Variants in FOLH1 observed in about 807,000 individuals in gnomAD.
FOLH1 encodes folate hydrolase 1.
FOLH1 carries 54 observed loss-of-function variants against 93.9 expected under a neutral mutation model. That is an observed-to-expected ratio of 0.57 (90% CI 0.46 to 0.72). The LOEUF (loss-of-function observed/expected upper bound fraction) is 0.72, where lower values mean the gene tolerates loss of function less well. Among genes scored for constraint, FOLH1 ranks in the 30% least tolerant of loss-of-function variants. The pLI, the probability that FOLH1 is intolerant of heterozygous loss-of-function variation, is 0.00. For synonymous variants in FOLH1, 249 were observed against 303.6 expected (o/e 0.82, Z 1.87); for missense variants, 571 against 892.5 (o/e 0.64, Z 4.59).
At chr11:49,150,182 A>G in intron 17 of FOLH1, among the ~76,000 whole-genome samples, 1 of 152,218 alleles carries the variant, frequency 6.6e-6, no homozygotes, top group South Asian at 2.1e-4. Flanking sequence ...TAATTGAAAA[A>G]AATTCGTAAA....
intron 3 of FOLH1, among the ~76,000 whole-genome samples, chr11:49,194,795 T>C (rs1180589395): frequency 1.3e-5 from 2 of 151,940 alleles, no homozygotes; most frequent in African/African-American, 4.8e-5. Context: ...CAAAGTCAAA[T>C]AACATTATGA....
rs1486240276 is a variant in FOLH1, at chr11:49,153,682, C to T, written c.1970+164G>A. ...CTTGTATACCTATGTAACAAACCTG[C>T]ACGTTCTGTCCATGTATCCAGCAAC... On this transcript the variant is annotated intron_variant, in intron 17 of 18. Transcript: ENST00000256999. Among the ~76,000 whole-genome samples the T allele has an allele frequency of 2.0e-5, 3 of 152,066 alleles. No individual in the cohort carries two copies. In the East Asian group the frequency reaches 5.8e-4, roughly 29 times the overall value.
intron 13 of FOLH1, among the ~76,000 whole-genome samples, chr11:49,162,033 C>T (rs1857762418): frequency 6.6e-6 from 1 of 152,188 alleles, no homozygotes; most frequent in African/African-American, 2.4e-5. Flanking sequence ...GTAACCTGGC[C>T]TTTCCCTCTA....
chr11:49,148,997 T>C (rs1470123315), intron 17 of FOLH1, among the ~76,000 whole-genome samples: 1 of 152,080 alleles, frequency 6.6e-6, no homozygotes, highest in Non-Finnish European at 1.5e-5. Context: ...TTGTTACACA[T>C]GTATACATGT....
intron 12 of FOLH1, 87 bp downstream of exon 12, chr11:49,169,108 A>C (rs111982341): frequency 1.4e-6 from 2 of 1,451,816 alleles, no homozygotes; most frequent in Non-Finnish European, 1.9e-6. Context: ...ATTAATGCAT[A>C]GCCTTCCTTG....
At chr11:49,180,062 G>A (rs7123690) in intron 7 of FOLH1, among the ~76,000 whole-genome samples, 5,114 of 152,302 alleles carry the variant, frequency 0.034, 124 homozygotes, top group Non-Finnish European at 0.051. Context: ...AAATGCTTGC[G>A]TCATTGAGTA....
At chr11:49,192,397 A>G (rs1862163282) in intron 4 of FOLH1, among the ~76,000 whole-genome samples, 1 of 152,202 alleles carries the variant, frequency 6.6e-6, no homozygotes, top group Non-Finnish European at 1.5e-5. Context: ...AGAATAGGCA[A>G]AACTAATTTA....
intron 4 of FOLH1, among the ~76,000 whole-genome samples, chr11:49,188,154 A>G (rs900889064): frequency 2.0e-5 from 3 of 152,284 alleles, no homozygotes; most frequent in Admixed American, 2.0e-4. Flanking sequence ...GTATATCTTT[A>G]TAAGTCAAAT....
At chr11:49,196,874 T>C (rs113873146) in intron 3 of FOLH1, among the ~76,000 whole-genome samples, 115 of 152,292 alleles carry the variant, frequency 7.6e-4, no homozygotes, top group African/African-American at 2.5e-3. Context: ...TTATATTGTA[T>C]AGGTCTTGGT....
chr11:49,200,043 T>C (rs1863099563), intron 3 of FOLH1, among the ~76,000 whole-genome samples: 1 of 152,214 alleles, frequency 6.6e-6, no homozygotes, highest in East Asian at 1.9e-4. Flanking sequence ...TTATCAAGCA[T>C]TAATTTCTCG....
At chr11:49,170,757 T>C (rs1859162961) in intron 11 of FOLH1, among the ~76,000 whole-genome samples, 1 of 152,224 alleles carries the variant, frequency 6.6e-6, no homozygotes, top group South Asian at 2.1e-4. Context: ...CTTAATTCCC[T>C]TTGAATCAGA....
At chr11:49,173,575 CAG>C (rs1491103454) in intron 9 of FOLH1, 99 bp from the exon 10 acceptor site, 13,057 of 650,898 alleles carry the variant, frequency 0.02, 417 homozygotes, top group South Asian at 0.04. Context: ...ACTCACGCCT[CAG>C]AAAAAAAAAA....
intron 18 of FOLH1, 75 bp downstream of exon 18, chr11:49,148,564 T>C: frequency 8.8e-7 from 1 of 1,131,284 alleles, no homozygotes; most frequent in Non-Finnish European, 1.3e-6. Context: ...CAATATTTTT[T>C]CCACAGTGAA....
chr11:49,153,810 C>G (rs1202898126), intron 17 of FOLH1, 36 bp downstream of exon 17: 1 of 1,385,108 alleles, frequency 7.2e-7, no homozygotes, highest in Admixed American at 2.2e-5. Flanking sequence ...TATATACACA[C>G]ACATACACAC....
In FOLH1 at chr11:49,189,538, C is replaced by T. The variant is rs115293581; in HGVS notation, c.514-2769G>A. ...TCCTTCACTCACAATGGAATTAAGT[C>T]TTACTAAACTCACCTAAGTTGAAAA... On this transcript the variant is annotated intron_variant, in intron 4 of 18. Transcript: ENST00000256999. Among the ~76,000 whole-genome samples, 893 of 152,292 alleles carry T rather than the reference C, an allele frequency of 5.9e-3. 12 individuals carry two copies. Among genetic ancestry groups the T allele is most frequent in the African/African-American group, 0.021 (854 of 41,552 alleles).
intron 1 of FOLH1, chr11:49,206,871 T>C (rs1394313563): frequency 6.9e-6 from 9 of 1,295,708 alleles, no homozygotes; most frequent in Non-Finnish European, 1.1e-6. Context: ...AGTTGGCTTT[T>C]AACCTGAAGG....
At position 49,181,035 on chromosome 11, in the gene FOLH1, C is replaced by T. The variant is rs369588015; in HGVS notation, c.920+2114G>A. On this transcript the variant is annotated intron_variant, in intron 7 of 18. Coordinates refer to ENST00000256999, the MANE Select transcript of FOLH1 (RefSeq NM_004476.3). ...CCAAATCGTAGACGTCTAAATAAAT[C>T]TCACATCTAATTCCATAATATTATG... Among the ~76,000 whole-genome samples, 234 of 152,164 alleles carry T rather than the reference C, an allele frequency of 1.5e-3. 1 individual carries two copies. The highest frequency in any genetic ancestry group is 5.4e-3 in the African/African-American group (225 of 41,512).
chr11:49,172,772 A>G (rs758280566), intron 10 of FOLH1, among the ~76,000 whole-genome samples: 2 of 152,162 alleles, frequency 1.3e-5, no homozygotes, highest in Non-Finnish European at 2.9e-5. Flanking sequence ...TTTGAACTAA[A>G]TTTTACTTTG....
chr11:49,146,304 C>T lies in FOLH1; in HGVS notation c.*452G>A, dbSNP rs1250797606. ...TAAAAGTGTGATTTGATCCATTTCC[C>T]AAATAGTGTGCTGAGATAGTGATCC... On this transcript the variant is annotated 3_prime_UTR_variant, in exon 19 of 19. Coordinates refer to ENST00000256999, the MANE Select transcript of FOLH1 (RefSeq NM_004476.3). Among the ~76,000 whole-genome samples the T allele has an allele frequency of 6.6e-6, 1 of 152,132 alleles. No homozygotes were observed. Among genetic ancestry groups the T allele is most frequent in the East Asian group, 1.9e-4 (1 of 5,186 alleles).
Sources: allele counts gnomAD v4.1 joint callset (sites outside exome capture counted in the v4.1 genomes callset), GRCh38; gene constraint gnomAD v4.1.1; transcripts MANE v1.5; gene names NCBI Gene and HGNC (gene_info 2026-07-23, HGNC 2026-07-21).